FHDC1: variants seen among roughly 807,000 people sequenced by gnomAD.
FHDC1 encodes FH2 domain-containing protein 1.
In FHDC1, 25 loss-of-function variants were observed where a neutral mutation model predicts 52.6. The ratio of observed to expected loss-of-function variants is 0.48; its 90% CI spans 0.35 to 0.66. The LOEUF (loss-of-function observed/expected upper bound fraction) is 0.66. Ranked by LOEUF, FHDC1 falls within the 30% of genes least tolerant of loss-of-function variation. The pLI is 0.01. For missense variants in FHDC1, 1,459 were observed against 1,452.8 expected, an observed-to-expected ratio of 1.00 and a Z score of -0.07; for synonymous variants, 616 against 581.5, an observed-to-expected ratio of 1.06 and a Z score of -0.85.
intron 10 of FHDC1, among the ~76,000 whole-genome samples, chr4:152,968,785 G>T (rs919553068): frequency 6.6e-6 from 1 of 152,228 alleles, no homozygotes; most frequent in African/African-American, 2.4e-5. Flanking sequence ...TTCTAAACCA[G>T]TTAAACTTTC....
At chr4:152,949,783 G>A (rs999510069) in intron 2 of FHDC1, among the ~76,000 whole-genome samples, 1 of 152,242 alleles carries the variant, frequency 6.6e-6, no homozygotes, top group Non-Finnish European at 1.5e-5. Context: ...GTAGAGCCCA[G>A]GCCCCCTTCG....
the FHDC1 span, among the ~76,000 whole-genome samples, chr4:152,914,498 GTTAA>G: frequency 6.6e-6 from 1 of 152,172 alleles, no homozygotes; most frequent in Non-Finnish European, 1.5e-5. Context: ...CTCTTGTGCA[GTTAA>G]TTGATTAGTA....
At position 152,976,860 on chromosome 4, in the gene FHDC1, A is replaced by T. The variant is rs1371124499; in HGVS notation, c.*137A>T. 1.7e-6 allele frequency: 2 copies of T among 1,197,414 alleles called. No homozygotes were observed. The highest frequency in any genetic ancestry group is 2.3e-6 in the Non-Finnish European group (2 of 888,098). 74.2% of individuals were successfully genotyped at this position (1,197,414 alleles called of 1,614,324 possible). ...TGCCACTGCTAGTGACGCTGTTGGGATGGCACAGTCCAGGAGGCCTGTGGA... is the reference window on the plus strand; with the variant it reads ...TGCCACTGCTAGTGACGCTGTTGGGTTGGCACAGTCCAGGAGGCCTGTGGA... On this transcript the variant is annotated 3_prime_UTR_variant, in exon 12 of 12. Transcript: ENST00000511601.
chr4:152,975,235 G>A lies in FHDC1; in HGVS notation c.1944G>A (p.Arg648=), dbSNP rs766312898. The A allele has an allele frequency of 3.7e-6, 6 of 1,613,360 alleles. No homozygotes were observed. Among genetic ancestry groups the A allele is most frequent in the Non-Finnish European group, 5.1e-6 (6 of 1,180,022 alleles). Residue 648 remains arginine (R), a synonymous_variant, in exon 12 of 12, where the codon AGG becomes AGA. Transcript: ENST00000511601. ...AGGGCGTCAGTGTCCTCCGAAAGAG[G>A]TACAGTGAGCCGGTGAGCCTGGGCT... ...RRQGVSVLRK[R]YSEPVSLGSA...
Position 152,961,239 on chromosome 4 carries a change from G to A in FHDC1, c.850+395G>A, listed in dbSNP as rs111553889. Reference sequence around the variant, plus strand: ...CCCAGCTGCCTCTCTCCTCCCTGTCGTGGCCTCTTGGTGGCTGGGACCCAG... The same window carrying A: ...CCCAGCTGCCTCTCTCCTCCCTGTCATGGCCTCTTGGTGGCTGGGACCCAG... On this transcript the variant is annotated intron_variant, in intron 6 of 11. Transcript: ENST00000511601. Among the ~76,000 whole-genome samples, 10 of 16,810 alleles carry A rather than the reference G, an allele frequency of 5.9e-4. No individual in the cohort carries two copies. The Admixed American group carries it at 7.1e-3, about 12-fold the overall frequency. The allele number at this position is 16,810 out of a possible 152,430, so 11.0% of individuals were successfully genotyped here.
intron 11 of FHDC1, among the ~76,000 whole-genome samples, 189 bp from the exon 12 acceptor site, chr4:152,974,486 A>G (rs1740774142): frequency 6.6e-6 from 1 of 151,522 alleles, no homozygotes; most frequent in Non-Finnish European, 1.5e-5. Flanking sequence ...CCCTCCCTCT[A>G]CACACACACA....
chr4:152,972,408 G>A lies in FHDC1; in HGVS notation c.1250G>A (p.Cys417Tyr), dbSNP rs746692253. 3 of 1,605,314 alleles carry A rather than the reference G, an allele frequency of 1.9e-6. No homozygotes were observed. Among genetic ancestry groups the A allele is most frequent in the Non-Finnish European group, 2.5e-6 (3 of 1,178,006 alleles). The change falls in exon 11 of 12, where the codon TGC (cysteine) becomes TAC (tyrosine). Residue 417 changes from cysteine (C) to tyrosine (Y), a missense_variant. Physicochemically the swap from Cys to Tyr is radical, Grantham distance 194 (BLOSUM62 -2). Transcript: ENST00000511601. ...FAIEKLRELECWKQELQDEAY... is the reference protein window; with the variant it reads ...FAIEKLRELEYWKQELQDEAY... ...ATAGAAAAGCTGAGGGAACTGGAAT[G>A]CTGGAAACAAGAGCTCCAGGATGAG...
chr4:152,962,977 G>GTGTA (rs1561210752), intron 7 of FHDC1, 46 bp from the exon 8 acceptor site: 3 of 1,504,372 alleles, frequency 2.0e-6, no homozygotes, highest in Admixed American at 1.7e-5. Context: ...GTGTGTGTGT[G>GTGTA]TGTGTATGTA....
intron 4 of FHDC1, among the ~76,000 whole-genome samples, chr4:152,957,180 C>T (rs540812260): frequency 3.3e-5 from 5 of 152,294 alleles, no homozygotes; most frequent in East Asian, 3.9e-4. Context: ...CACATTACCA[C>T]GTGGCTCTCA....
At chr4:152,971,401 G>A (rs573009661) in intron 10 of FHDC1, among the ~76,000 whole-genome samples, 1 of 152,218 alleles carries the variant, frequency 6.6e-6, no homozygotes, top group South Asian at 2.1e-4. Flanking sequence ...CATTCTCATG[G>A]GCTGTGGCTG....
chr4:152,979,190 C>A lies in FHDC1; in HGVS notation c.*2467C>A, dbSNP rs1317437051. 6.6e-6 allele frequency: 1 copy of A among 152,190 alleles called. No individual in the cohort carries two copies. Among genetic ancestry groups the A allele is most frequent in the East Asian group, 1.9e-4 (1 of 5,194 alleles). The allele number at this position is 152,190 out of a possible 1,614,324, so 9.4% of individuals were successfully genotyped here. On this transcript the variant is annotated 3_prime_UTR_variant, in exon 12 of 12. Transcript: ENST00000511601. Reference sequence around the variant, plus strand: ...CTGGGTGACTTTGGGAAGTCACCACCTCTTCCCAAGCCTGTTTCCCATATC... The same window carrying A: ...CTGGGTGACTTTGGGAAGTCACCACATCTTCCCAAGCCTGTTTCCCATATC...
At chr4:152,936,872 T>C (rs1739397632) in intron 1 of FHDC1, among the ~76,000 whole-genome samples, 1 of 152,254 alleles carries the variant, frequency 6.6e-6, no homozygotes, top group Non-Finnish European at 1.5e-5. Context: ...CCGCGCTCGG[T>C]TCCCTAGCCA....
Position 152,953,546 on chromosome 4 carries a change from T to C in FHDC1, c.546T>C (p.Leu182=), listed in dbSNP as rs746062083. The change falls in exon 3 of 12, where the codon CTT becomes CTC. Residue 182 remains leucine (L), a synonymous_variant. Coordinates refer to ENST00000511601, the MANE Select transcript of FHDC1 (RefSeq NM_001371116.1). The part of the protein sequence containing the change: ...AKRSMNIGIF[L]KQFKKSPRSI... ...GGAGCATGAACATTGGGATATTTCTTAAGCAATTTAAGAAGTAAGATTTTG... is the reference window on the plus strand; with the variant it reads ...GGAGCATGAACATTGGGATATTTCTCAAGCAATTTAAGAAGTAAGATTTTG... 3 of 1,611,930 alleles carry C rather than the reference T, an allele frequency of 1.9e-6. No homozygotes were observed. The Admixed American group carries it at 5.0e-5, about 27-fold the overall frequency.
chr4:152,944,050 ATG>A (rs1432650896), intron 2 of FHDC1, among the ~76,000 whole-genome samples: 1 of 152,194 alleles, frequency 6.6e-6, no homozygotes, highest in Admixed American at 6.5e-5. Flanking sequence ...GTGTTTCTAG[ATG>A]GCCTTCATTC....
rs181050448 is a variant in FHDC1, at chr4:152,950,772, A to G, written c.499-2727A>G. 4.8e-3 allele frequency among the ~76,000 whole-genome samples: 732 copies of G among 152,330 alleles called. 5 individuals carry two copies. Among genetic ancestry groups the G allele is most frequent in the Admixed American group, 8.4e-3 (128 of 15,302 alleles). ...GTCCCCATTCCTGGAGAAAACTCACAATGCAAGCACCATGCTGGTAGGGAA... is the reference window on the plus strand; with the variant it reads ...GTCCCCATTCCTGGAGAAAACTCACGATGCAAGCACCATGCTGGTAGGGAA... On this transcript the variant is annotated intron_variant, in intron 2 of 11. Coordinates refer to ENST00000511601, the MANE Select transcript of FHDC1 (RefSeq NM_001371116.1).
chr4:152,975,564 G>A lies in FHDC1; in HGVS notation c.2273G>A (p.Gly758Asp). The change falls in exon 12 of 12, where the codon GGT (glycine) becomes GAT (aspartate). Residue 758 changes from glycine to aspartate, a missense_variant. By Grantham distance (94) the Gly-to-Asp change is moderately conservative. Around this residue, in one of 3 missense-constraint regions of FHDC1, gnomAD observed 939 missense variants for 854.5 expected, o/e 1.10. Coordinates refer to ENST00000511601, the MANE Select transcript of FHDC1 (RefSeq NM_001371116.1). ...GGAAGTGCAGCTTTGGGATCTGTGG[G>A]TAGCAGCGACCCTGAGAACAAAGAT... ...EPGSAALGSV[G>D]SSDPENKDPR... 6.2e-7 allele frequency: 1 copy of A among 1,613,634 alleles called. No individual in the cohort carries two copies. Among genetic ancestry groups the A allele is most frequent in the Non-Finnish European group, 8.5e-7 (1 of 1,180,036 alleles).
chr4:152,974,804 G>A lies in FHDC1; in HGVS notation c.1513G>A (p.Glu505Lys). 3 of 1,569,402 alleles carry A rather than the reference G, an allele frequency of 1.9e-6. No individual in the cohort carries two copies. Among genetic ancestry groups the A allele is most frequent in the Non-Finnish European group, 2.6e-6 (3 of 1,153,984 alleles). Residue 505 changes from glutamate to lysine, a missense_variant, in exon 12 of 12, where the codon GAG (glutamate) becomes AAG (lysine). Physicochemically the swap from Glu to Lys is moderately conservative, Grantham distance 56 (BLOSUM62 1). Transcript: ENST00000511601. ...CCGGAGCAGCAGTGAGAATGATGTG[G>A]AGCTGCTGACCAAGAAGGGTGCAGA... ...FGRSSSENDV[E>K]LLTKKGAEGL...
At chr4:152,958,270 A>C (rs996288049) in intron 4 of FHDC1, among the ~76,000 whole-genome samples, 4 of 152,216 alleles carry the variant, frequency 2.6e-5, no homozygotes, top group Non-Finnish European at 4.4e-5. Context: ...CTCTTGGCTC[A>C]GCCCACAAAG....
upstream of FHDC1, among the ~76,000 whole-genome samples, chr4:152,932,654 C>A (rs1353747240): frequency 1.3e-5 from 2 of 152,148 alleles, no homozygotes; most frequent in Non-Finnish European, 2.9e-5. Flanking sequence ...TACTGAACAA[C>A]TGATCTAATC....
Sources: allele counts gnomAD v4.1 joint callset (sites outside exome capture counted in the v4.1 genomes callset), GRCh38; gene constraint gnomAD v4.1.1; regional missense constraint gnomAD v4.1.1; transcripts MANE v1.5; gene names NCBI Gene and HGNC (gene_info 2026-07-23, HGNC 2026-07-21).